The following AK4 variants were observed in gnomAD, a reference collection of about 807,000 sequenced individuals.
AK4 encodes adenylate kinase 4, mitochondrial.
Under a neutral mutation model 24.6 loss-of-function variants are expected in AK4, and 13 were observed. That is an observed-to-expected ratio of 0.53 (90% confidence interval 0.34 to 0.84). AK4 has a LOEUF of 0.84. AK4 is among the 40% of genes least tolerant of loss of function. The probability of loss-of-function intolerance (pLI) is 0.01; values close to 1 mark genes in which losing one functional copy is unlikely to be tolerated. For missense variants in AK4, 192 were observed against 288.2 expected (o/e 0.67, Z 2.42); for synonymous variants, 88 against 107.0 (o/e 0.82, Z 1.10).
intron 1 of AK4, among the ~76,000 whole-genome samples, chr1:65,157,108 A>C (rs1441023597): frequency 6.6e-6 from 1 of 152,078 alleles, no homozygotes; most frequent in African/African-American, 2.4e-5. Flanking sequence ...ATAGAAGAAA[A>C]CTTTATTGTC....
chr1:65,200,904 C>T (rs919040999), intron 2 of AK4, among the ~76,000 whole-genome samples: 1 of 151,996 alleles, frequency 6.6e-6, no homozygotes, highest in Non-Finnish European at 1.5e-5. Flanking sequence ...AAGCGATTCT[C>T]CTGCCTCAGC....
At chr1:65,170,947 C>T (rs1650496348) in intron 1 of AK4, among the ~76,000 whole-genome samples, 1 of 139,944 alleles carries the variant, frequency 7.1e-6, no homozygotes, top group East Asian at 2.1e-4. Context: ...TTTGTCTTGT[C>T]TTCTTCCTTT....
intron 2 of AK4, among the ~76,000 whole-genome samples, chr1:65,202,929 T>C (rs1651707934): frequency 8.5e-6 from 1 of 117,632 alleles, no homozygotes; most frequent in Non-Finnish European, 1.7e-5. Flanking sequence ...TGGAGTGTAG[T>C]GGCACCATCA....
At chr1:65,165,244 A>C (rs910616792) in intron 1 of AK4, among the ~76,000 whole-genome samples, 14 of 152,234 alleles carry the variant, frequency 9.2e-5, no homozygotes, top group Admixed American at 6.5e-4. Context: ...GTTGTTTGTT[A>C]TACCTCTGGA....
At chr1:65,170,681 CTG>C (rs1201030521) in intron 1 of AK4, among the ~76,000 whole-genome samples, 20 of 152,294 alleles carry the variant, frequency 1.3e-4, no homozygotes, top group Non-Finnish European at 4.4e-5. Flanking sequence ...CAGGAACTCA[CTG>C]TGGTGTTTCT....
chr1:65,178,517 C>T (rs759792684), intron 1 of AK4, among the ~76,000 whole-genome samples: 13 of 152,170 alleles, frequency 8.5e-5, no homozygotes, highest in African/African-American at 1.4e-4. Flanking sequence ...GTACAGACAC[C>T]GAATGAACTA....
intron 1 of AK4, among the ~76,000 whole-genome samples, chr1:65,173,056 G>T (rs928306755): frequency 6.6e-6 from 1 of 151,860 alleles, no homozygotes; most frequent in African/African-American, 2.4e-5. Context: ...TGGAGACAGG[G>T]TTTCACCACG....
At chr1:65,176,195 C>G (rs1191737004) in intron 1 of AK4, among the ~76,000 whole-genome samples, 1 of 152,078 alleles carries the variant, frequency 6.6e-6, no homozygotes, top group East Asian at 1.9e-4. Flanking sequence ...ATTGGATCAC[C>G]TTCTTTTTCA....
rs1209452374 is a variant in AK4 at position 65,229,106 on chromosome 1, C to G, written c.*2929C>G. On this transcript the variant is annotated 3_prime_UTR_variant, in exon 5 of 5. Transcript: ENST00000327299. ...GTGAAGCATCTTGCCCAGGCTTCTGCTGCTGGTGACCAGTGTAGCCAGGAC... is the reference window on the plus strand; with the variant it reads ...GTGAAGCATCTTGCCCAGGCTTCTGGTGCTGGTGACCAGTGTAGCCAGGAC... 7 of 152,192 alleles carry G rather than the reference C, an allele frequency of 4.6e-5. No homozygotes were observed. 9.4% of individuals were successfully genotyped at this position (152,192 alleles called of 1,614,324 possible). A position where few individuals can be genotyped will look rare whatever the true frequency, so the allele number is the denominator to read the frequency against.
rs542729505 is a variant in AK4, at chr1:65,161,336, T to A, written c.145+12784T>A. Among the ~76,000 whole-genome samples, 16 of 152,292 alleles carry A rather than the reference T, an allele frequency of 1.1e-4. 2 individuals carry two copies. The South Asian group carries it at 3.3e-3, about 32-fold the overall frequency. ...GAGGCGTGCAAAAAAGTAAAACTTG[T>A]TCTCTGTCTTTGAGGTACCGACAGT... On this transcript the variant is annotated intron_variant, in intron 1 of 4. Transcript: ENST00000327299.
At chr1:65,194,122 GTGCC>G (rs1651396626) in intron 2 of AK4, among the ~76,000 whole-genome samples, 2 of 152,170 alleles carry the variant, frequency 1.3e-5, no homozygotes. Context: ...TGTATAAAGT[GTGCC>G]CTCAGAGTTC....
At chr1:65,164,684 T>C (rs993157548) in intron 1 of AK4, among the ~76,000 whole-genome samples, 4 of 151,454 alleles carry the variant, frequency 2.6e-5, no homozygotes, top group Non-Finnish European at 4.4e-5. Context: ...TTTACAAATA[T>C]TTTCTCCTAT....
At chr1:65,190,358 G>A (rs927762261) in intron 1 of AK4, among the ~76,000 whole-genome samples, 2 of 145,000 alleles carry the variant, frequency 1.4e-5, no homozygotes, top group Non-Finnish European at 3.0e-5. Flanking sequence ...AAACTCCTGG[G>A]CTTAAGTGAT....
At chr1:65,155,051 A>G (rs1431613331) in intron 1 of AK4, among the ~76,000 whole-genome samples, 1 of 151,552 alleles carries the variant, frequency 6.6e-6, no homozygotes. Context: ...GGGTTTCACC[A>G]TGTTGGCCAG....
intron 1 of AK4, among the ~76,000 whole-genome samples, chr1:65,159,648 G>A (rs1240243738): frequency 5.3e-5 from 8 of 151,300 alleles, no homozygotes; most frequent in African/African-American, 1.9e-4. Context: ...ACCCCAGTCT[G>A]GGCAACAGAG....
chr1:65,168,923 C>T (rs1650420250), intron 1 of AK4, among the ~76,000 whole-genome samples: 1 of 152,102 alleles, frequency 6.6e-6, no homozygotes, highest in African/African-American at 2.4e-5. Context: ...GGCTGTAATC[C>T]CAGCTCTTTG....
At chr1:65,149,684 A>G (rs943235333) in intron 1 of AK4, among the ~76,000 whole-genome samples, 14 of 152,230 alleles carry the variant, frequency 9.2e-5, no homozygotes, top group African/African-American at 3.4e-4. Flanking sequence ...CTTAAAAGCA[A>G]GGAATTAAGA....
chr1:65,212,219 T>C (rs1651992485), intron 2 of AK4, among the ~76,000 whole-genome samples: 1 of 152,174 alleles, frequency 6.6e-6, no homozygotes, highest in Non-Finnish European at 1.5e-5. Context: ...CTACAAATGG[T>C]AACTGTGTTA....
At chr1:65,159,321 T>C (rs563464409) in intron 1 of AK4, among the ~76,000 whole-genome samples, 3 of 152,254 alleles carry the variant, frequency 2.0e-5, no homozygotes, top group Non-Finnish European at 4.4e-5. Context: ...GTTTTTGTTA[T>C]ATCATTTGCT....
Sources: gnomAD v4.1 joint callset for allele counts (sites outside exome capture counted in the v4.1 genomes callset) on GRCh38, gnomAD v4.1.1 for gene constraint, MANE v1.5 for transcripts, NCBI Gene and HGNC (gene_info 2026-07-23, HGNC 2026-07-21) for gene names.